ATP13A3: variants seen among roughly 807,000 people sequenced by gnomAD.
ATP13A3 encodes ATPase 13A3.
A neutral mutation model predicts 158.1 loss-of-function variants in ATP13A3; 59 were observed. That is an observed-to-expected ratio of 0.37 (90% CI 0.30 to 0.46). The LOEUF (loss-of-function observed/expected upper bound fraction) is 0.46, where lower values mean the gene tolerates loss of function less well. Ranked by LOEUF, ATP13A3 falls within the 20% of genes least tolerant of loss-of-function variation. The pLI, the probability that ATP13A3 is intolerant of heterozygous loss-of-function variation, is 1.00. For missense variants in ATP13A3, 1,166 were observed against 1,525.2 expected (o/e 0.76, Z 3.92); for synonymous variants, 491 against 504.3 (o/e 0.97, Z 0.35).
chr3:194,450,747 T>C (rs554547665), intron 10 of ATP13A3: 10 of 155,244 alleles, frequency 6.4e-5, no homozygotes, highest in African/African-American at 2.4e-4. Flanking sequence ...CTGCCACTAT[T>C]TATAACCTTC....
rs745323041 is a variant in ATP13A3 at position 194,454,352 on chromosome 3, A to G, written c.671T>C (p.Ile224Thr). The change falls in exon 9 of 34, where the codon ATA (isoleucine) becomes ACA (threonine). Residue 224 changes from isoleucine to threonine, a missense_variant. Around this residue, in one of 3 missense-constraint regions of ATP13A3, gnomAD observed 997 missense variants for 1,341.2 expected, o/e 0.74. Transcript: ENST00000645319. ...ATAGTATTCATCAGTGCTCCACAGT[A>G]TAACACTGAACAGCTGGAAAATGTA... ...PFYIFQLFSV[I>T]LWSTDEYYYY... 1.1e-5 allele frequency: 17 copies of G among 1,610,942 alleles called. No individual in the cohort carries two copies. Among genetic ancestry groups the G allele is most frequent in the African/African-American group, 2.7e-5 (2 of 74,862 alleles).
intron 30 of ATP13A3, 58 bp from the exon 31 acceptor site, chr3:194,420,025 G>C (rs539268765): frequency 6.9e-7 from 1 of 1,438,970 alleles, no homozygotes. Context: ...ATATAAAAAG[G>C]CATCCAATAA....
intron 32 of ATP13A3, among the ~76,000 whole-genome samples, 167 bp downstream of exon 32, chr3:194,413,592 T>A (rs1027126110): frequency 6.6e-6 from 1 of 152,246 alleles, no homozygotes; most frequent in African/African-American, 2.4e-5. Context: ...ATGACCACTA[T>A]CAATTCATGG....
intron 11 of ATP13A3, among the ~76,000 whole-genome samples, chr3:194,449,280 TTG>T (rs1043378525): frequency 6.6e-6 from 1 of 152,104 alleles, no homozygotes; most frequent in African/African-American, 2.4e-5. Context: ...AGATATGTGT[TTG>T]TGTGTTTTAA....
chr3:194,432,101 TAAAGAAA>T (rs917074152), intron 21 of ATP13A3: 13 of 444,180 alleles, frequency 2.9e-5, no homozygotes, highest in Non-Finnish European at 3.9e-5. Context: ...CGTTATATGC[TAAAGAAA>T]ACATCTCACC....
At chr3:194,436,649 C>T (rs762279512) in intron 20 of ATP13A3, among the ~76,000 whole-genome samples, 3 of 152,204 alleles carry the variant, frequency 2.0e-5, no homozygotes, top group Non-Finnish European at 2.9e-5. Flanking sequence ...GCCAGGAGCT[C>T]GAGGCCAGCC....
rs1717726239 is a variant in ATP13A3 at position 194,437,405 on chromosome 3, C to T, written c.1905G>A (p.Met635Ile). The change falls in exon 19 of 34, where the codon ATG becomes ATA. Residue 635 changes from methionine to isoleucine, a missense_variant. This residue lies in a region of ATP13A3 where 997 missense variants were observed against 1,341.2 expected (regional missense o/e 0.74). Transcript: ENST00000645319. ...QFPFSSALQR[M>I]SVVARVLGDR... ...CCCCCAGCACCCTGGCAACCACACTCATACGTTGCAAAGCAGAAGAAAATG... is the reference window on the plus strand; with the variant it reads ...CCCCCAGCACCCTGGCAACCACACTTATACGTTGCAAAGCAGAAGAAAATG... The T allele has an allele frequency of 6.2e-7, 1 of 1,614,088 alleles. No individual in the cohort carries two copies. The highest frequency in any genetic ancestry group is 1.3e-5 in the African/African-American group (1 of 74,922).
chr3:194,467,419 CA>C (rs2109004410), intron 2 of ATP13A3, among the ~76,000 whole-genome samples: 1 of 152,250 alleles, frequency 6.6e-6, no homozygotes, highest in African/African-American at 2.4e-5. Flanking sequence ...ATTTTTTAAC[CA>C]TATTACACCA....
rs879210215 is a variant in ATP13A3, at chr3:194,437,075, G to C, written c.2120+20C>G. 2 of 1,609,596 alleles carry C rather than the reference G, an allele frequency of 1.2e-6. No homozygotes were observed. The highest frequency in any genetic ancestry group is 1.1e-5 in the South Asian group (1 of 89,762). ...ATAAATGATGATGACTGGGAAACTA[G>C]GAAAGCCGTTCAACCTCACCTGCTA... On this transcript the variant is annotated intron_variant, in intron 20 of 33. Coordinates refer to ENST00000645319, the MANE Select transcript of ATP13A3 (RefSeq NM_001367549.1).
rs1718550475 is a variant in ATP13A3, at chr3:194,448,339, A to C, written c.1150+118T>G. On this transcript the variant is annotated intron_variant, in intron 12 of 33. Coordinates refer to ENST00000645319, the MANE Select transcript of ATP13A3 (RefSeq NM_001367549.1). The surrounding 1 kb of genome is among the most constrained non-coding windows in gnomAD (Gnocchi z 4.0). ...ATGATCCGCCCACCTCGGCTTCCCA[A>C]AGTGCTGGGATTACAGGCGTTAGCC... 2.4e-6 allele frequency: 3 copies of C among 1,231,282 alleles called. No individual in the cohort carries two copies. In the South Asian group the frequency reaches 4.0e-5, roughly 17 times the overall value. The allele number at this position is 1,231,282 out of a possible 1,614,324, so 76.3% of individuals were successfully genotyped here.
In ATP13A3 at chr3:194,427,143, T is replaced by C. The variant is rs778221558; in HGVS notation, c.3057A>G (p.Gly1019=). The change falls in exon 29 of 34, where the codon GGA becomes GGG. Residue 1019 remains glycine, a synonymous_variant. Coordinates refer to ENST00000645319, the MANE Select transcript of ATP13A3 (RefSeq NM_001367549.1). ...CCCAAAAAAAACCCAAAGATTGAAA[T>C]CCAATGCAGATGATAATCTGAGACA... is the stretch of plus-strand genomic sequence containing the variant. ...SVLSQIIICI[G]FQSLGFFWVK... is the part of the protein sequence containing the mutation. The C allele has an allele frequency of 2.5e-6, 4 of 1,613,826 alleles. No individual in the cohort carries two copies. Among genetic ancestry groups the C allele is most frequent in the South Asian group, 1.1e-5 (1 of 90,986 alleles).
intron 30 of ATP13A3, among the ~76,000 whole-genome samples, chr3:194,423,740 A>G (rs537053593): frequency 6.6e-6 from 1 of 152,250 alleles, no homozygotes; most frequent in Non-Finnish European, 1.5e-5. Context: ...TGGAAATTAA[A>G]CGAGAAAACA....
At chr3:194,430,242 T>C (rs1456628563) in intron 25 of ATP13A3, 31 bp downstream of exon 25, 3 of 1,613,548 alleles carry the variant, frequency 1.9e-6, no homozygotes, top group Non-Finnish European at 2.5e-6. Context: ...GAGTAAGAAC[T>C]ATAAAACTAA....
chr3:194,412,440 T>G (rs1715513126), intron 32 of ATP13A3, 152 bp from the exon 33 acceptor site: 1 of 606,654 alleles, frequency 1.6e-6, no homozygotes, highest in African/African-American at 1.8e-5. Context: ...TGCCAAATGA[T>G]CAAGAATGAT....
chr3:194,483,690 C>G (rs1379107761), intron 2 of ATP13A3, among the ~76,000 whole-genome samples: 1 of 152,188 alleles, frequency 6.6e-6, no homozygotes, highest in African/African-American at 2.4e-5. Flanking sequence ...AAGGCTAAAT[C>G]CCATCAGCTA....
chr3:194,475,335 T>C (rs1439254762), intron 2 of ATP13A3, among the ~76,000 whole-genome samples: 1 of 152,214 alleles, frequency 6.6e-6, no homozygotes, highest in Non-Finnish European at 1.5e-5. Flanking sequence ...GAATGATTCA[T>C]ATTTCACTCT....
intron 2 of ATP13A3, among the ~76,000 whole-genome samples, chr3:194,479,949 A>G (rs1720683380): frequency 6.6e-6 from 1 of 152,172 alleles, no homozygotes; most frequent in African/African-American, 2.4e-5. Context: ...TGAGCTTTTG[A>G]GGATGTTGCT....
chr3:194,477,366 C>T (rs1428350034), intron 2 of ATP13A3, among the ~76,000 whole-genome samples: 1 of 152,198 alleles, frequency 6.6e-6, no homozygotes, highest in Non-Finnish European at 1.5e-5. Context: ...GGAGACAGGG[C>T]AAGACTGGGT....
intron 30 of ATP13A3, among the ~76,000 whole-genome samples, chr3:194,421,136 A>ATATATAT (rs1491477047): frequency 3.3e-4 from 1 of 3,022 alleles, no homozygotes; most frequent in African/African-American, 2.1e-3. Flanking sequence ...ATATATATAT[A>ATATATAT]GTATATATAT....
Sources: allele counts gnomAD v4.1 joint callset (sites outside exome capture counted in the v4.1 genomes callset), GRCh38; gene constraint gnomAD v4.1.1; regional missense constraint gnomAD v4.1.1; non-coding constraint Gnocchi (gnomAD v3.1); transcripts MANE v1.5; gene names NCBI Gene and HGNC (gene_info 2026-07-23, HGNC 2026-07-21).